ITCH: variants seen among roughly 807,000 people sequenced by gnomAD.
ITCH encodes the protein E3 ubiquitin-protein ligase Itchy homolog.
Under a neutral mutation model 126.8 loss-of-function variants are expected in ITCH, and 28 were observed. The observed-to-expected ratio is 0.22, with a 90% CI of 0.16 to 0.30. ITCH has a LOEUF of 0.30. Among genes scored for constraint, ITCH ranks in the 10% least tolerant of loss-of-function variants. ITCH has a pLI of 1.00. For synonymous variants in ITCH, 342 were observed against 340.0 expected (o/e 1.01, Z -0.06); for missense variants, 631 against 1,032.4 (o/e 0.61, Z 5.33).
intron 6 of ITCH, among the ~76,000 whole-genome samples, chr20:34,416,139 C>T (rs915423103): frequency 6.6e-6 from 1 of 152,080 alleles, no homozygotes; most frequent in Non-Finnish European, 1.5e-5. Flanking sequence ...TGGCTCACGC[C>T]TGTAATCCCA....
intron 8 of ITCH, among the ~76,000 whole-genome samples, chr20:34,439,365 C>G (rs973362093): frequency 1.3e-5 from 2 of 152,168 alleles, no homozygotes; most frequent in Admixed American, 6.6e-5. Flanking sequence ...CTCTACTTCC[C>G]AGGCTCAAGT....
At chr20:34,480,258 C>G (rs550746554) in intron 18 of ITCH, among the ~76,000 whole-genome samples, 1 of 151,972 alleles carries the variant, frequency 6.6e-6, no homozygotes, top group Non-Finnish European at 1.5e-5. Flanking sequence ...AGTGCAATGG[C>G]GTGATCTCGG....
chr20:34,499,166 G>A (rs1990078946), intron 23 of ITCH, among the ~76,000 whole-genome samples: 1 of 151,012 alleles, frequency 6.6e-6, no homozygotes, highest in African/African-American at 2.4e-5. Flanking sequence ...AGTAGAGACG[G>A]GGTTTCACCG....
At chr20:34,465,276 A>C (rs1986943528) in intron 14 of ITCH, among the ~76,000 whole-genome samples, 1 of 151,102 alleles carries the variant, frequency 6.6e-6, no homozygotes, top group South Asian at 2.1e-4. Context: ...ATACCACGCT[A>C]TAGCTTTGTA....
rs749700881 is a variant in ITCH, at chr20:34,438,607, C to G, written c.655C>G (p.Pro219Ala). Residue 219 changes from proline (P) to alanine (A), a missense_variant, in exon 8 of 25, where the codon CCA (proline) becomes GCA (alanine). Coordinates refer to ENST00000374864, the MANE Select transcript of ITCH (RefSeq NM_031483.7). ...TAGACCTCCAAGACCTTCACGACCACCACCACCCACCCCACGTAGACCAGG... is the reference window on the plus strand; with the variant it reads ...TAGACCTCCAAGACCTTCACGACCAGCACCACCCACCCCACGTAGACCAGG... ...PSRPPRPSRPPPPTPRRPASV... is the reference protein window; with the variant it reads ...PSRPPRPSRPAPPTPRRPASV... 1.2e-6 allele frequency: 2 copies of G among 1,614,056 alleles called. No homozygotes were observed. Among genetic ancestry groups the G allele is most frequent in the East Asian group, 4.5e-5 (2 of 44,874 alleles).
rs200700953 is a variant in ITCH at position 34,433,604 on chromosome 20, C to T, written c.522-4870C>T. On this transcript the variant is annotated intron_variant, in intron 7 of 24. Coordinates refer to ENST00000374864, the MANE Select transcript of ITCH (RefSeq NM_031483.7). The stretch of plus-strand genomic sequence containing the variant: ...CTGGGGAGGTCAGGGCTGCAGCGAG[C>T]AGTGATTGTGCCTATGCACTCCAGC... Among the ~76,000 whole-genome samples the T allele has an allele frequency of 2.1e-5, 3 of 140,432 alleles. No individual in the cohort carries two copies. The East Asian group carries it at 6.1e-4, about 29-fold the overall frequency. 92.1% of individuals were successfully genotyped at this position (140,432 alleles called of 152,430 possible).
In ITCH at chr20:34,408,911, T is replaced by C; in HGVS notation, c.212+119T>C. ...GTTGTTGTTCCTCCTTTCTCTCTTC[T>C]TTTTTTTTTTTTCTTTTTCCTAGGA... On this transcript the variant is annotated intron_variant, in intron 4 of 24. Coordinates refer to ENST00000374864, the MANE Select transcript of ITCH (RefSeq NM_031483.7). 7 of 336,704 alleles carry C rather than the reference T, an allele frequency of 2.1e-5. No homozygotes were observed. The South Asian group carries it at 3.6e-4, about 17-fold the overall frequency. 20.9% of individuals were successfully genotyped at this position (336,704 alleles called of 1,614,324 possible). A position where few individuals can be genotyped will look rare whatever the true frequency, so the allele number is the denominator to read the frequency against.
intron 23 of ITCH, among the ~76,000 whole-genome samples, chr20:34,498,137 TTTG>T (rs999068641): frequency 1.3e-5 from 2 of 152,220 alleles, no homozygotes; most frequent in African/African-American, 2.4e-5. Context: ...TTTCTTCTAG[TTTG>T]TTGTTTTATA....
chr20:34,480,963 A>G, intron 19 of ITCH, 103 bp from the exon 20 acceptor site: 1 of 1,211,658 alleles, frequency 8.3e-7, no homozygotes, highest in Non-Finnish European at 1.2e-6. Context: ...TTGATGTTAT[A>G]GCTTAATATT....
chr20:34,394,962 T>G (rs1055180010), intron 3 of ITCH, among the ~76,000 whole-genome samples: 4 of 152,118 alleles, frequency 2.6e-5, no homozygotes, highest in Non-Finnish European at 5.9e-5. Flanking sequence ...CCAGGCACGG[T>G]GGCTCACACC....
At chr20:34,376,236 T>G (rs2037839918) in intron 2 of ITCH, among the ~76,000 whole-genome samples, 1 of 151,952 alleles carries the variant, frequency 6.6e-6, no homozygotes, top group South Asian at 2.1e-4. Context: ...TTAACCAGCC[T>G]CGGCAGCATG....
intron 10 of ITCH, among the ~76,000 whole-genome samples, chr20:34,444,257 A>T (rs963820549): frequency 1.3e-5 from 2 of 152,132 alleles, no homozygotes; most frequent in African/African-American, 4.8e-5. Flanking sequence ...ATTTGTATCA[A>T]TGTTTACTTA....
intron 2 of ITCH, among the ~76,000 whole-genome samples, chr20:34,386,328 G>A (rs2038283039): frequency 6.6e-6 from 1 of 152,122 alleles, no homozygotes; most frequent in Admixed American, 6.6e-5. Flanking sequence ...CTTCTAGCTA[G>A]TCTTTGCTAC....
At chr20:34,417,100 CTT>C (rs140460146) in intron 6 of ITCH, 4,372 of 560,684 alleles carry the variant, frequency 7.8e-3, no homozygotes, top group Middle Eastern at 0.012. Context: ...TTTAGGTAGA[CTT>C]TTTTTTTTTT....
intron 2 of ITCH, among the ~76,000 whole-genome samples, chr20:34,371,168 A>G (rs1225105519): frequency 7.9e-6 from 1 of 126,854 alleles, no homozygotes; most frequent in Non-Finnish European, 1.7e-5. Context: ...ACTCCGTCTC[A>G]AAAAAAAAAA....
At chr20:34,471,285 TCA>T (rs1987597439) in intron 15 of ITCH, among the ~76,000 whole-genome samples, 157 bp from the exon 16 acceptor site, 1 of 152,188 alleles carries the variant, frequency 6.6e-6, no homozygotes, top group African/African-American at 2.4e-5. Flanking sequence ...GCATGAATAC[TCA>T]CAGATGCATT....
Position 34,486,790 on chromosome 20 carries a change from AGAAGTTCAAGC to A in ITCH, c.2094-2473_2094-2463del, listed in dbSNP as rs1226151979. On this transcript the variant is annotated intron_variant, in intron 20 of 24. Coordinates refer to ENST00000374864, the MANE Select transcript of ITCH (RefSeq NM_031483.7). ...TTGCCTCACGGCAGCGTCCAATTCCAGAAGTTCAAGCGATCCTCTAGCCTCAGCCACCAAGC... is the reference window on the plus strand; with the variant it reads ...TTGCCTCACGGCAGCGTCCAATTCCAGATCCTCTAGCCTCAGCCACCAAGC... Among the ~76,000 whole-genome samples, 3 of 145,852 alleles carry A rather than the reference AGAAGTTCAAGC, an allele frequency of 2.1e-5. No individual in the cohort carries two copies. The East Asian group carries it at 6.3e-4, about 31-fold the overall frequency.
intron 6 of ITCH, among the ~76,000 whole-genome samples, chr20:34,414,692 C>T (rs544362637): frequency 2.3e-4 from 35 of 152,026 alleles, no homozygotes; most frequent in African/African-American, 8.4e-4. Flanking sequence ...GTTGGTCAGG[C>T]TAGTCTCGAA....
In ITCH at chr20:34,449,407, T is replaced by A; in HGVS notation, c.1141-4T>A. The A allele has an allele frequency of 1.9e-6, 3 of 1,598,668 alleles. No individual in the cohort carries two copies. The highest frequency in any genetic ancestry group is 2.6e-6 in the Non-Finnish European group (3 of 1,166,674). On this transcript the variant is annotated splice_region_variant and splice_polypyrimidine_tract_variant and intron_variant, in intron 11 of 24. Transcript: ENST00000374864. ...TAGTTTCATCACTTTTTGGTTCTTT[T>A]TAGAATCAAGATTTATTTGCTACAT...
Sources: allele counts gnomAD v4.1 joint callset (sites outside exome capture counted in the v4.1 genomes callset), GRCh38; gene constraint gnomAD v4.1.1; transcripts MANE v1.5; gene names NCBI Gene and HGNC (gene_info 2026-07-23, HGNC 2026-07-21).